SOX14: variants seen among roughly 807,000 people sequenced by gnomAD.
SOX14 encodes transcription factor SOX-14.
In SOX14, 5 loss-of-function variants were observed where a neutral mutation model predicts 14.8. That is an observed-to-expected ratio of 0.34 (90% CI 0.18 to 0.71). SOX14 has a LOEUF of 0.71. SOX14 is among the 30% of genes least tolerant of loss of function. SOX14 has a pLI of 0.64. For missense variants in SOX14, 270 were observed against 329.7 expected, an observed-to-expected ratio of 0.82 and a Z score of 1.40; for synonymous variants, 164 against 146.3, an observed-to-expected ratio of 1.12 and a Z score of -0.87.
Position 137,764,910 on chromosome 3 carries a change from A to G in SOX14, c.126A>G (p.Leu42=), listed in dbSNP as rs1471106796. 2 of 1,614,126 alleles carry G rather than the reference A, an allele frequency of 1.2e-6. No individual in the cohort carries two copies. The highest frequency in any genetic ancestry group is 2.2e-5 in the East Asian group (1 of 44,882). ...KMHNSEISKR[L]GAEWKLLSEA... ...ACAACTCGGAGATCAGCAAACGCCT[A>G]GGTGCCGAATGGAAGCTTCTGTCCG... Residue 42 remains leucine, a synonymous_variant, in exon 1 of 1, where the codon CTA becomes CTG. Coordinates refer to ENST00000306087, the MANE Select transcript of SOX14 (RefSeq NM_004189.4).
chr3:137,764,921 G>T lies in SOX14; in HGVS notation c.137G>T (p.Trp46Leu). The change falls in exon 1 of 1, where the codon TGG becomes TTG. Residue 46 changes from tryptophan to leucine, a missense_variant. By Grantham distance (61) the Trp-to-Leu change is moderately conservative. This residue lies in a region of SOX14 where 63 missense variants were observed against 118.8 expected (regional missense o/e 0.53). Transcript: ENST00000306087. ...ATCAGCAAACGCCTAGGTGCCGAAT[G>T]GAAGCTTCTGTCCGAGGCAGAGAAG... ...SEISKRLGAE[W>L]KLLSEAEKRP... 1.2e-6 allele frequency: 2 copies of T among 1,614,260 alleles called. No homozygotes were observed. The highest frequency in any genetic ancestry group is 8.5e-7 in the Non-Finnish European group (1 of 1,180,050).
At position 137,764,971 on chromosome 3, in the gene SOX14, C is replaced by A. The variant is rs143465510; in HGVS notation, c.187C>A (p.Arg63=). 2 of 1,614,264 alleles carry A rather than the reference C, an allele frequency of 1.2e-6. No individual in the cohort carries two copies. Among genetic ancestry groups the A allele is most frequent in the African/African-American group, 1.3e-5 (1 of 75,078 alleles). ...GCGGCCATACATCGATGAAGCCAAG[C>A]GGCTACGCGCCCAGCACATGAAGGA... ...EKRPYIDEAK[R]LRAQHMKEHP... The change falls in exon 1 of 1, where the codon CGG becomes AGG. Residue 63 remains arginine (R), a synonymous_variant. Transcript: ENST00000306087.
In SOX14 at chr3:137,765,110, G is replaced by C. The variant is rs1331390395; in HGVS notation, c.326G>C (p.Gly109Ala). ...GACACGGACCCGCTCAAGGCGGCTG[G>C]CCTGCCCGTGGGGGCCTCCGACGGC... ...LGDTDPLKAA[G>A]LPVGASDGLL... Residue 109 changes from glycine to alanine, a missense_variant, in exon 1 of 1, where the codon GGC becomes GCC. This residue lies in a region of SOX14 where 207 missense variants were observed against 210.9 expected (regional missense o/e 0.98). Transcript: ENST00000306087. 1.5e-5 allele frequency: 24 copies of C among 1,613,142 alleles called. No individual in the cohort carries two copies. The highest frequency in any genetic ancestry group is 1.9e-5 in the Non-Finnish European group (22 of 1,179,476).
chr3:137,765,509 C>T lies in SOX14; in HGVS notation c.*2C>T. 1 of 1,589,090 alleles carries T rather than the reference C, an allele frequency of 6.3e-7. No homozygotes were observed. Among genetic ancestry groups the T allele is most frequent in the Non-Finnish European group, 8.6e-7 (1 of 1,164,600 alleles). On this transcript the variant is annotated 3_prime_UTR_variant, in exon 1 of 1. Transcript: ENST00000306087. Reference sequence around the variant, plus strand: ...TCAGCCCACGCTACGGCCATGTAACCCCCAGCCCGGCCCGGACCTGAGGCG... The same window carrying T: ...TCAGCCCACGCTACGGCCATGTAACTCCCAGCCCGGCCCGGACCTGAGGCG...
rs1227670872 is a variant in SOX14, at chr3:137,765,356, C to T, written c.572C>T (p.Pro191Leu). 1.2e-6 allele frequency: 2 copies of T among 1,606,586 alleles called. No individual in the cohort carries two copies. The highest frequency in any genetic ancestry group is 8.5e-7 in the Non-Finnish European group (1 of 1,176,804). ...SCPSQHTHTHPSPTNPGYVVP... is the reference protein window; with the variant it reads ...SCPSQHTHTHLSPTNPGYVVP... ...CCCAGCCAGCACACGCACACGCACC[C>T]GTCCCCCACCAACCCTGGCTACGTG... Residue 191 changes from proline (P) to leucine (L), a missense_variant, in exon 1 of 1, where the codon CCG becomes CTG. Around this residue, in one of 2 missense-constraint regions of SOX14, gnomAD observed 207 missense variants for 210.9 expected, o/e 0.98. Transcript: ENST00000306087.
rs1055218340 is a variant in SOX14, at chr3:137,766,222, A to G, written c.*715A>G. ...AAGAACAAAAACAACCTAAATGGTCATAAATGTTTTGACGATGTCTTGGAA... is the reference window on the plus strand; with the variant it reads ...AAGAACAAAAACAACCTAAATGGTCGTAAATGTTTTGACGATGTCTTGGAA... On this transcript the variant is annotated 3_prime_UTR_variant, in exon 1 of 1. Coordinates refer to ENST00000306087, the MANE Select transcript of SOX14 (RefSeq NM_004189.4). The G allele has an allele frequency of 2.0e-5, 3 of 152,284 alleles. No homozygotes were observed. The highest frequency in any genetic ancestry group is 4.4e-5 in the Non-Finnish European group (3 of 68,050). 9.4% of individuals were successfully genotyped at this position (152,284 alleles called of 1,614,324 possible). A position where few individuals can be genotyped will look rare whatever the true frequency, so the allele number is the denominator to read the frequency against.
chr3:137,764,369 G>T lies in SOX14; in HGVS notation c.-416G>T, dbSNP rs1272714786. On this transcript the variant is annotated 5_prime_UTR_variant, in exon 1 of 1. Coordinates refer to ENST00000306087, the MANE Select transcript of SOX14 (RefSeq NM_004189.4). ...GCAGCTCCGGGAAAGCCACGGGAAG[G>T]GGGAGCCACGACTGGAAACGCAAGA... The T allele has an allele frequency of 6.0e-6, 1 of 168,026 alleles. No individual in the cohort carries two copies. The highest frequency in any genetic ancestry group is 1.3e-5 in the Non-Finnish European group (1 of 79,472). 10.4% of individuals were successfully genotyped at this position (168,026 alleles called of 1,614,324 possible).
rs542360546 is a variant in SOX14 at position 137,765,828 on chromosome 3, T to C, written c.*321T>C. 1.2e-4 allele frequency: 33 copies of C among 281,062 alleles called. No individual in the cohort carries two copies. Among genetic ancestry groups the C allele is most frequent in the Non-Finnish European group, 2.0e-4 (31 of 152,598 alleles). The allele number at this position is 281,062 out of a possible 1,614,324, so 17.4% of individuals were successfully genotyped here. A position where few individuals can be genotyped will look rare whatever the true frequency, so the allele number is the denominator to read the frequency against. On this transcript the variant is annotated 3_prime_UTR_variant, in exon 1 of 1. Coordinates refer to ENST00000306087, the MANE Select transcript of SOX14 (RefSeq NM_004189.4). ...TGCTTTATTTATATCCCCTTCACTC[T>C]CCTCGGATAGGCTTTGGACTCTGAA...
rs1939232527 is a variant in SOX14 at position 137,765,714 on chromosome 3, G to T, written c.*207G>T. The T allele has an allele frequency of 1.7e-6, 1 of 577,676 alleles. No individual in the cohort carries two copies. The highest frequency in any genetic ancestry group is 3.0e-5 in the South Asian group (1 of 32,866). 35.8% of individuals were successfully genotyped at this position (577,676 alleles called of 1,614,324 possible). ...AGACAGGTACCGGAAACTTGCAAAC[G>T]TTATGTCAGCTACACAGCTGCCCCT... On this transcript the variant is annotated 3_prime_UTR_variant, in exon 1 of 1. Coordinates refer to ENST00000306087, the MANE Select transcript of SOX14 (RefSeq NM_004189.4).
rs1939208154 is a variant in SOX14, at chr3:137,764,616, A to G, written c.-169A>G. 4 of 652,552 alleles carry G rather than the reference A, an allele frequency of 6.1e-6. No individual in the cohort carries two copies. The highest frequency in any genetic ancestry group is 9.1e-6 in the Non-Finnish European group (4 of 437,240). 40.4% of individuals were successfully genotyped at this position (652,552 alleles called of 1,614,324 possible). A position where few individuals can be genotyped will look rare whatever the true frequency, so the allele number is the denominator to read the frequency against. Reference sequence around the variant, plus strand: ...CCTGGGCGCTGGGACTGGCATGATCAGCTGAACTTTGTGGGGTCAGCGCTT... The same window carrying G: ...CCTGGGCGCTGGGACTGGCATGATCGGCTGAACTTTGTGGGGTCAGCGCTT... On this transcript the variant is annotated 5_prime_UTR_variant, in exon 1 of 1. Coordinates refer to ENST00000306087, the MANE Select transcript of SOX14 (RefSeq NM_004189.4).
In SOX14 at chr3:137,764,995, G is replaced by C. The variant is rs1358539005; in HGVS notation, c.211G>C (p.Glu71Gln). Residue 71 changes from glutamate to glutamine, a missense_variant, in exon 1 of 1, where the codon GAG (glutamate) becomes CAG (glutamine). By Grantham distance (29) the Glu-to-Gln change is conservative (BLOSUM62 2). Coordinates refer to ENST00000306087, the MANE Select transcript of SOX14 (RefSeq NM_004189.4). ...GCGGCTACGCGCCCAGCACATGAAG[G>C]AGCACCCTGACTACAAGTACCGACC... ...AKRLRAQHMKEHPDYKYRPRR... is the reference protein window; with the variant it reads ...AKRLRAQHMKQHPDYKYRPRR... The C allele has an allele frequency of 1.2e-6, 2 of 1,614,138 alleles. No individual in the cohort carries two copies. Among genetic ancestry groups the C allele is most frequent in the South Asian group, 2.2e-5 (2 of 91,092 alleles).
In SOX14 at chr3:137,765,563, C is replaced by A; in HGVS notation, c.*56C>A. The A allele has an allele frequency of 6.5e-7, 1 of 1,535,270 alleles. No individual in the cohort carries two copies. Among genetic ancestry groups the A allele is most frequent in the South Asian group, 1.3e-5 (1 of 77,472 alleles). On this transcript the variant is annotated 3_prime_UTR_variant, in exon 1 of 1. Coordinates refer to ENST00000306087, the MANE Select transcript of SOX14 (RefSeq NM_004189.4). ...TCTGAAAGCCGGGTCTGCACCCTGT[C>A]CTCTGAGCCTAGCCCCGGCCTGCAG...
rs1939214052 is a variant in SOX14, at chr3:137,764,917, G to A, written c.133G>A (p.Glu45Lys). 6.2e-7 allele frequency: 1 copy of A among 1,614,266 alleles called. No homozygotes were observed. The highest frequency in any genetic ancestry group is 8.5e-7 in the Non-Finnish European group (1 of 1,180,050). Residue 45 changes from glutamate to lysine, a missense_variant, in exon 1 of 1, where the codon GAA becomes AAA. Physicochemically the swap from Glu to Lys is moderately conservative, Grantham distance 56. Transcript: ENST00000306087. ...GGAGATCAGCAAACGCCTAGGTGCC[G>A]AATGGAAGCTTCTGTCCGAGGCAGA... is the stretch of plus-strand genomic sequence containing the variant. ...NSEISKRLGA[E>K]WKLLSEAEKR...
In SOX14 at chr3:137,765,518, G is replaced by C. The variant is rs201278969; in HGVS notation, c.*11G>C. On this transcript the variant is annotated 3_prime_UTR_variant, in exon 1 of 1. Transcript: ENST00000306087. ...GCTACGGCCATGTAACCCCCAGCCC[G>C]GCCCGGACCTGAGGCGTGGTCTGAA... 81 of 1,584,964 alleles carry C rather than the reference G, an allele frequency of 5.1e-5. No homozygotes were observed. The highest frequency in any genetic ancestry group is 6.7e-5 in the Non-Finnish European group (78 of 1,163,604).
rs1053956205 is a variant in SOX14, at chr3:137,765,777, C to A, written c.*270C>A. On this transcript the variant is annotated 3_prime_UTR_variant, in exon 1 of 1. Coordinates refer to ENST00000306087, the MANE Select transcript of SOX14 (RefSeq NM_004189.4). The stretch of plus-strand genomic sequence containing the variant: ...CCAAAACAAATCTCCGACTGTACCC[C>A]CTTTGGACAAAAAAGTAGGCAGTTT... The A allele has an allele frequency of 2.4e-6, 1 of 418,834 alleles. No individual in the cohort carries two copies. The highest frequency in any genetic ancestry group is 4.2e-6 in the Non-Finnish European group (1 of 239,394). 25.9% of individuals were successfully genotyped at this position (418,834 alleles called of 1,614,324 possible).
Position 137,764,683 on chromosome 3 carries a change from C to T in SOX14, c.-102C>T. 1 of 1,450,928 alleles carries T rather than the reference C, an allele frequency of 6.9e-7. No homozygotes were observed. The allele number at this position is 1,450,928 out of a possible 1,614,324, so 89.9% of individuals were successfully genotyped here. On this transcript the variant is annotated 5_prime_UTR_variant, in exon 1 of 1. Transcript: ENST00000306087. ...CAGCGGCGCCAAGGCGAGGGGAGCGCAGAACCCCGGCTCAGGACGGACAGA... is the reference window on the plus strand; with the variant it reads ...CAGCGGCGCCAAGGCGAGGGGAGCGTAGAACCCCGGCTCAGGACGGACAGA...
At position 137,764,414 on chromosome 3, in the gene SOX14, A is replaced by C; in HGVS notation, c.-371A>C. On this transcript the variant is annotated 5_prime_UTR_variant, in exon 1 of 1. Coordinates refer to ENST00000306087, the MANE Select transcript of SOX14 (RefSeq NM_004189.4). ...GCAAGAGGAGAGAAGGGAACTAGAG[A>C]AGGCAAAGGTGGAGAGGGGGAGAAG... The C allele has an allele frequency of 4.7e-6, 1 of 213,204 alleles. No individual in the cohort carries two copies. 13.2% of individuals were successfully genotyped at this position (213,204 alleles called of 1,614,324 possible).
chr3:137,765,639 C>G lies in SOX14; in HGVS notation c.*132C>G. The G allele has an allele frequency of 8.3e-7, 1 of 1,207,396 alleles. No individual in the cohort carries two copies. The highest frequency in any genetic ancestry group is 1.1e-6 in the Non-Finnish European group (1 of 891,362). The allele number at this position is 1,207,396 out of a possible 1,614,324, so 74.8% of individuals were successfully genotyped here. A position where few individuals can be genotyped will look rare whatever the true frequency, so the allele number is the denominator to read the frequency against. ...TGTCCCTTACACCACCCAGACTTTT[C>G]CTCTCTCTTCCAGGGGGAAGGGTGG... On this transcript the variant is annotated 3_prime_UTR_variant, in exon 1 of 1. Transcript: ENST00000306087.
Position 137,765,332 on chromosome 3 carries a change from C to T in SOX14, c.548C>T (p.Pro183Leu), listed in dbSNP as rs771018998. The change falls in exon 1 of 1, where the codon CCC (proline) becomes CTC (leucine). Residue 183 changes from proline (P) to leucine (L), a missense_variant. Transcript: ENST00000306087. ...GGCGCCTTCGGCAGCCTCAGCTGCC[C>T]CAGCCAGCACACGCACACGCACCCG... ...QNGAFGSLSCPSQHTHTHPSP... is the reference protein window; with the variant it reads ...QNGAFGSLSCLSQHTHTHPSP... The T allele has an allele frequency of 1.9e-6, 3 of 1,593,830 alleles. No homozygotes were observed. In the East Asian group the frequency reaches 7.0e-5, roughly 37 times the overall value.
Sources: gnomAD v4.1 joint callset for allele counts on GRCh38, gnomAD v4.1.1 for gene constraint, gnomAD v4.1.1 regional missense constraint, MANE v1.5 for transcripts, NCBI Gene and HGNC (gene_info 2026-07-23, HGNC 2026-07-21) for gene names.